Variants in DNMT3B observed in about 807,000 individuals in gnomAD.
The protein encoded by DNMT3B is DNA (cytosine-5)-methyltransferase 3B.
DNMT3B carries 37 observed loss-of-function variants against 120.2 expected under a neutral mutation model. The ratio of observed to expected loss-of-function variants is 0.31; its 90% CI spans 0.24 to 0.40. The LOEUF is 0.40. Ranked by LOEUF, DNMT3B falls within the 10% of genes least tolerant of loss-of-function variation. The pLI is 1.00. For missense variants in DNMT3B, 878 were observed against 1,137.3 expected (o/e 0.77, Z 3.28); for synonymous variants, 412 against 442.8 (o/e 0.93, Z 0.87).
chr20:32,790,602 G>A (rs539809947), intron 7 of DNMT3B, among the ~76,000 whole-genome samples: 7 of 152,140 alleles, frequency 4.6e-5, no homozygotes, highest in East Asian at 1.9e-4. Flanking sequence ...CAGGCATTCC[G>A]TGATAAAATG....
At chr20:32,768,000 T>G (rs1220010822) in intron 1 of DNMT3B, among the ~76,000 whole-genome samples, 1 of 152,192 alleles carries the variant, frequency 6.6e-6, no homozygotes, top group East Asian at 1.9e-4. Context: ...GTAGGGCGTT[T>G]GCTGCAGCCA....
At chr20:32,778,961 TGG>T (rs1988221566) in intron 1 of DNMT3B, among the ~76,000 whole-genome samples, 1 of 151,652 alleles carries the variant, frequency 6.6e-6, no homozygotes, top group Non-Finnish European at 1.5e-5. Context: ...GATGGATGGA[TGG>T]ATGGATGGAT....
At chr20:32,784,901 C>T (rs745966744) in intron 4 of DNMT3B, 42 bp downstream of exon 4, 2 of 1,586,262 alleles carry the variant, frequency 1.3e-6, no homozygotes, top group South Asian at 1.1e-5. Context: ...GTGGCCAACA[C>T]TCTACATAGC....
intron 1 of DNMT3B, among the ~76,000 whole-genome samples, chr20:32,772,873 C>CTTT (rs1568822680): frequency 4.1e-5 from 4 of 97,594 alleles, no homozygotes; most frequent in African/African-American, 1.5e-4. Context: ...TGTTTGGACA[C>CTTT]ATTTTTTTTT....
At chr20:32,781,294 C>T in intron 2 of DNMT3B, 59 bp from the exon 3 acceptor site, 2 of 1,593,276 alleles carry the variant, frequency 1.3e-6, no homozygotes, top group Non-Finnish European at 1.7e-6. Context: ...ATTAGCAAGG[C>T]CGTTCCCCAG....
chr20:32,787,357 C>G lies in DNMT3B; in HGVS notation c.560C>G (p.Pro187Arg), dbSNP rs774622592. ...THGTPQSSST[P>R]YARLAQDSQQ... is the part of the protein sequence containing the mutation. ...GGGACGCCCCAGAGCAGCAGTACCC[C>G]CTACGCCCGCCTAGCCCAGGACAGC... Residue 187 changes from proline to arginine, a missense_variant, in exon 6 of 23, where the codon CCC (proline) becomes CGC (arginine). By Grantham distance (103) the Pro-to-Arg change is moderately radical. Transcript: ENST00000328111. 5.0e-6 allele frequency: 8 copies of G among 1,614,096 alleles called. No homozygotes were observed. The highest frequency in any genetic ancestry group is 6.8e-6 in the Non-Finnish European group (8 of 1,180,042).
Position 32,793,565 on chromosome 20 carries a change from G to A in DNMT3B, c.1096G>A (p.Gly366Ser). The A allele has an allele frequency of 6.2e-7, 1 of 1,614,200 alleles. No individual in the cohort carries two copies. The highest frequency in any genetic ancestry group is 8.5e-7 in the Non-Finnish European group (1 of 1,180,032). ...VVNKSKVRRA[G>S]SRKLESRKYE... ...TAATAAGTCGAAGGTGCGTCGTGCA[G>A]GCAGTAGGAAATTAGAATCAAGGAA... The change falls in exon 10 of 23, where the codon GGC becomes AGC. Residue 366 changes from glycine to serine, a missense_variant. Coordinates refer to ENST00000328111, the MANE Select transcript of DNMT3B (RefSeq NM_006892.4).
At chr20:32,781,123 A>G (rs943370126) in intron 2 of DNMT3B, among the ~76,000 whole-genome samples, 3 of 152,108 alleles carry the variant, frequency 2.0e-5, no homozygotes, top group African/African-American at 7.2e-5. Context: ...TGGTAACTTC[A>G]GTGTTGGTTT....
intron 1 of DNMT3B, among the ~76,000 whole-genome samples, chr20:32,778,579 A>G (rs2145895327): frequency 6.6e-6 from 1 of 152,242 alleles, no homozygotes; most frequent in African/African-American, 2.4e-5. Context: ...AGCTCTCACC[A>G]CAGATTGCAC....
chr20:32,805,515 C>A (rs1981872691), intron 21 of DNMT3B, 108 bp downstream of exon 21: 1 of 1,298,582 alleles, frequency 7.7e-7, no homozygotes, highest in African/African-American at 1.5e-5. Flanking sequence ...CCCCACGTGA[C>A]TTCCTGGTGT....
chr20:32,801,468 C>T (rs779080180), intron 19 of DNMT3B, 42 bp downstream of exon 19: 1 of 1,612,712 alleles, frequency 6.2e-7, no homozygotes, highest in Non-Finnish European at 8.5e-7. Context: ...ACAGCCAGGG[C>T]AGGGAAAGCG....
At chr20:32,795,054 A>G (rs6088008) in intron 10 of DNMT3B, among the ~76,000 whole-genome samples, 60,057 of 152,032 alleles carry the variant, frequency 0.4, 13,142 homozygotes, top group East Asian at 0.92. Context: ...AACAGTTTCA[A>G]GTTCTCAGTA....
chr20:32,780,141 G>A (rs1174346082), intron 1 of DNMT3B, 177 bp from the exon 2 acceptor site: 1 of 1,613,748 alleles, frequency 6.2e-7, no homozygotes, highest in African/African-American at 1.3e-5. Context: ...GAGCCTCCAA[G>A]CTTGGTGAGG....
At chr20:32,776,651 C>A (rs572279106) in intron 1 of DNMT3B, among the ~76,000 whole-genome samples, 1 of 152,210 alleles carries the variant, frequency 6.6e-6, no homozygotes, top group South Asian at 2.1e-4. Flanking sequence ...ACAGTACTTA[C>A]CACATTTAAA....
chr20:32,779,271 G>A (rs1323503985), intron 1 of DNMT3B, among the ~76,000 whole-genome samples: 1 of 152,230 alleles, frequency 6.6e-6, no homozygotes, highest in East Asian at 1.9e-4. Context: ...CTCGGTTTCA[G>A]CGGGGATTTA....
At chr20:32,778,494 C>T (rs1046058967) in intron 1 of DNMT3B, among the ~76,000 whole-genome samples, 1 of 152,236 alleles carries the variant, frequency 6.6e-6, no homozygotes, top group Non-Finnish European at 1.5e-5. Flanking sequence ...CTGCGTGGCT[C>T]CTGGGCCACA....
chr20:32,769,185 CG>C (rs1987566769), intron 1 of DNMT3B, among the ~76,000 whole-genome samples: 2 of 151,976 alleles, frequency 1.3e-5, no homozygotes, highest in Admixed American at 1.3e-4. Flanking sequence ...TCCGGGTTCA[CG>C]CCATTCTCCT....
At chr20:32,768,440 C>T (rs1249890246) in intron 1 of DNMT3B, among the ~76,000 whole-genome samples, 1 of 152,122 alleles carries the variant, frequency 6.6e-6, no homozygotes, top group Non-Finnish European at 1.5e-5. Context: ...GATCCACCCG[C>T]CTCGGCCTAC....
chr20:32,771,459 A>G (rs1468131895), intron 1 of DNMT3B, among the ~76,000 whole-genome samples: 1 of 151,944 alleles, frequency 6.6e-6, no homozygotes, highest in African/African-American at 2.4e-5. Flanking sequence ...TGGCCAGCAT[A>G]CTGAAACCCT....
Sources: gnomAD v4.1 joint callset for allele counts (sites outside exome capture counted in the v4.1 genomes callset) on GRCh38, gnomAD v4.1.1 for gene constraint, MANE v1.5 for transcripts, NCBI Gene and HGNC (gene_info 2026-07-23, HGNC 2026-07-21) for gene names.